SLIT3: variants seen among roughly 807,000 people sequenced by gnomAD.
The protein encoded by SLIT3 is slit homolog 3 protein.
In SLIT3, 68 loss-of-function variants were observed where a neutral mutation model predicts 184.0. That is an observed-to-expected ratio of 0.37 (90% CI 0.30 to 0.45). SLIT3 has a LOEUF of 0.45. Among genes scored for constraint, SLIT3 ranks in the 20% least tolerant of loss-of-function variants. The pLI, the probability that SLIT3 is intolerant of heterozygous loss-of-function variation, is 1.00. For missense variants in SLIT3, 1,707 were observed against 2,026.0 expected (o/e 0.84, Z 3.02); for synonymous variants, 831 against 828.6 (o/e 1.00, Z -0.05).
chr5:169,260,741 C>A (rs1415038493), intron 1 of SLIT3, among the ~76,000 whole-genome samples: 1 of 152,172 alleles, frequency 6.6e-6, no homozygotes, highest in African/African-American at 2.4e-5. Context: ...TTCATTCATT[C>A]ATTCAACAAG....
At chr5:168,857,842 C>A (rs1460361687) in intron 5 of SLIT3, among the ~76,000 whole-genome samples, 4 of 152,234 alleles carry the variant, frequency 2.6e-5, no homozygotes, top group Non-Finnish European at 4.4e-5. Flanking sequence ...AACCACCGAG[C>A]TTAAAAGCCC....
In SLIT3 at chr5:168,707,794, C is replaced by T. The variant is rs1022651375; in HGVS notation, c.2844+182G>A. ...GGGGGCCTCTCTGACTGGCAGCTCC[C>T]GCTAGTTCAGAGAACAGTGTTACTG... On this transcript the variant is annotated intron_variant, in intron 26 of 35. Transcript: ENST00000519560. 28 of 640,460 alleles carry T rather than the reference C, an allele frequency of 4.4e-5. 1 individual carries two copies. Among genetic ancestry groups the T allele is most frequent in the Admixed American group, 2.1e-4 (7 of 33,196 alleles). 39.7% of individuals were successfully genotyped at this position (640,460 alleles called of 1,614,324 possible).
chr5:168,879,200 C>A (rs1246132816), intron 5 of SLIT3, among the ~76,000 whole-genome samples: 5 of 152,308 alleles, frequency 3.3e-5, no homozygotes, highest in East Asian at 1.9e-4. Context: ...GATATGCCAG[C>A]AGTTTATCTT....
intron 4 of SLIT3, among the ~76,000 whole-genome samples, chr5:169,142,046 A>G (rs1761761239): frequency 7.7e-6 from 1 of 129,636 alleles, no homozygotes; most frequent in Non-Finnish European, 1.6e-5. Flanking sequence ...CGAGACTCCT[A>G]CTCAAAAAAA....
At chr5:168,751,641 C>T (rs1581038132) in intron 18 of SLIT3, among the ~76,000 whole-genome samples, 1 of 152,188 alleles carries the variant, frequency 6.6e-6, no homozygotes, top group East Asian at 1.9e-4. Context: ...CGACAGCGCA[C>T]TACCCGGGCA....
At chr5:168,990,699 C>G (rs574934048) in intron 4 of SLIT3, among the ~76,000 whole-genome samples, 1 of 152,078 alleles carries the variant, frequency 6.6e-6, no homozygotes, top group South Asian at 2.1e-4. Flanking sequence ...AACCTTCTGT[C>G]GAATGGAGTT....
chr5:169,149,286 G>A (rs1039438599), intron 4 of SLIT3, among the ~76,000 whole-genome samples: 4 of 151,314 alleles, frequency 2.6e-5, no homozygotes, highest in Non-Finnish European at 5.9e-5. Flanking sequence ...TATTGTAAAT[G>A]GTCTTGTTAG....
intron 35 of SLIT3, among the ~76,000 whole-genome samples, chr5:168,669,520 C>A (rs1002049524): frequency 6.6e-6 from 1 of 152,164 alleles, no homozygotes; most frequent in Non-Finnish European, 1.5e-5. Context: ...CCCACAGGAA[C>A]AATGTAGGCT....
intron 4 of SLIT3, among the ~76,000 whole-genome samples, chr5:169,060,193 C>T (rs1758133295): frequency 6.6e-6 from 1 of 152,180 alleles, no homozygotes; most frequent in African/African-American, 2.4e-5. Flanking sequence ...AGCTCAAGAC[C>T]AGCTTGGTCA....
At chr5:168,905,543 T>C (rs1263442304) in intron 4 of SLIT3, among the ~76,000 whole-genome samples, 1 of 152,216 alleles carries the variant, frequency 6.6e-6, no homozygotes, top group Admixed American at 6.5e-5. Flanking sequence ...TTCAGGTCTG[T>C]ACACAGACTC....
At chr5:168,983,688 A>C (rs1267286341) in intron 4 of SLIT3, among the ~76,000 whole-genome samples, 1 of 152,236 alleles carries the variant, frequency 6.6e-6, no homozygotes, top group Non-Finnish European at 1.5e-5. Flanking sequence ...AAGCATTTAG[A>C]ACAGTGCTTG....
At chr5:168,940,457 G>GAAAAAAAA (rs1020277507) in intron 4 of SLIT3, among the ~76,000 whole-genome samples, 1 of 150,704 alleles carries the variant, frequency 6.6e-6, no homozygotes. Context: ...GAGCAAAGAA[G>GAAAAAAAA]AAAAAAAACT....
intron 20 of SLIT3, among the ~76,000 whole-genome samples, chr5:168,728,843 G>A (rs1357543306): frequency 2.0e-5 from 3 of 151,788 alleles, no homozygotes; most frequent in Non-Finnish European, 4.4e-5. Flanking sequence ...GCATGAGCCT[G>A]GAAGGTCAAG....
intron 4 of SLIT3, among the ~76,000 whole-genome samples, chr5:168,966,931 A>G (rs139315650): frequency 1.3e-5 from 2 of 152,330 alleles, no homozygotes; most frequent in East Asian, 1.9e-4. Flanking sequence ...TAACGTGCAC[A>G]TAACTTTTTA....
chr5:169,212,109 T>C (rs907940239), intron 3 of SLIT3, among the ~76,000 whole-genome samples: 7 of 152,362 alleles, frequency 4.6e-5, no homozygotes, highest in Non-Finnish European at 8.8e-5. Context: ...TATAGTAGAA[T>C]GATTTATAAT....
At chr5:168,830,482 C>T (rs1238711431) in intron 6 of SLIT3, among the ~76,000 whole-genome samples, 2 of 152,176 alleles carry the variant, frequency 1.3e-5, no homozygotes, top group African/African-American at 4.8e-5. Flanking sequence ...CCTGTGAACA[C>T]ACTACTTTCC....
intron 4 of SLIT3, among the ~76,000 whole-genome samples, chr5:169,019,883 A>G (rs1756532200): frequency 1.3e-5 from 2 of 152,180 alleles, no homozygotes; most frequent in Non-Finnish European, 2.9e-5. Context: ...GTGAAAACAG[A>G]CATAACTTTT....
chr5:168,762,562 G>T lies in SLIT3; in HGVS notation c.1587C>A (p.His529Gln), dbSNP rs766609211. The change falls in exon 15 of 36, where the codon CAC becomes CAA. Residue 529 changes from histidine (H) to glutamine (Q), a missense_variant. Coordinates refer to ENST00000519560, the MANE Select transcript of SLIT3 (RefSeq NM_003062.4). ...ACAGGTCGGTGACATATTCAGGGAG[G>T]TGGCTTGGGATGCGGACCAGCTTCT... ...SNQKLVRIPSHLPEYVTDLRL... is the reference protein window; with the variant it reads ...SNQKLVRIPSQLPEYVTDLRL... 6.2e-7 allele frequency: 1 copy of T among 1,613,854 alleles called. No homozygotes were observed. Among genetic ancestry groups the T allele is most frequent in the African/African-American group, 1.3e-5 (1 of 74,894 alleles).
At chr5:168,898,458 A>C (rs1443631616) in intron 4 of SLIT3, among the ~76,000 whole-genome samples, 1 of 152,062 alleles carries the variant, frequency 6.6e-6, no homozygotes, top group Admixed American at 6.6e-5. Context: ...AGCATATGGA[A>C]ATGAGATATA....
Sources: gnomAD v4.1 joint callset for allele counts (sites outside exome capture counted in the v4.1 genomes callset) on GRCh38, gnomAD v4.1.1 for gene constraint, MANE v1.5 for transcripts, NCBI Gene and HGNC (gene_info 2026-07-23, HGNC 2026-07-21) for gene names.